Variants in ACCSL observed in about 807,000 individuals in gnomAD.
ACCSL encodes the protein 1-aminocyclopropane-1-carboxylate synthase homolog (inactive) like, also known as probable inactive 1-aminocyclopropane-1-carboxylate synthase-like protein 2.
A neutral mutation model predicts 61.7 loss-of-function variants in ACCSL; 55 were observed. That is an observed-to-expected ratio of 0.89 (90% CI 0.72 to 1.12). The LOEUF is 1.12. Among genes scored for constraint, ACCSL ranks in the 50% most tolerant of loss-of-function variants. The probability of loss-of-function intolerance (pLI) is 0.00; values close to 1 mark genes in which losing one functional copy is unlikely to be tolerated. For synonymous variants in ACCSL, 258 were observed against 264.3 expected, an observed-to-expected ratio of 0.98 and a Z score of 0.23; for missense variants, 632 against 698.0, an observed-to-expected ratio of 0.91 and a Z score of 1.07.
chr11:43,968,912 G>A, the ACCSL span, among the ~76,000 whole-genome samples: 15 of 152,106 alleles, frequency 9.9e-5, no homozygotes, highest in Admixed American at 9.8e-4. Context: ...ACAGAGCTTG[G>A]GCTCACATGA....
chr11:44,052,605 C>A, intron 5 of ACCSL, 57 bp from the exon 6 acceptor site: 1 of 1,465,640 alleles, frequency 6.8e-7, no homozygotes, highest in Non-Finnish European at 9.5e-7. Flanking sequence ...GGGAGCCTGG[C>A]AACAGGCTCT....
chr11:44,048,956 T>C (rs980015672), intron 1 of ACCSL, among the ~76,000 whole-genome samples: 4 of 152,108 alleles, frequency 2.6e-5, no homozygotes, highest in East Asian at 1.9e-4. Flanking sequence ...CAGCCAGCCA[T>C]GTGGTGATGG....
At chr11:43,946,979 G>A in the ACCSL span, 1 of 152,294 alleles carries the variant, frequency 6.6e-6, no homozygotes, top group Admixed American at 6.5e-5. Flanking sequence ...GCTTGTGTTA[G>A]TCCGTTCTGT....
the ACCSL span, among the ~76,000 whole-genome samples, chr11:44,033,696 G>A: frequency 9.5e-4 from 144 of 152,286 alleles, no homozygotes; most frequent in Middle Eastern, 0.02. Flanking sequence ...CCAAGTCCTG[G>A]GCAGGGGGAG....
chr11:43,998,627 A>G, the ACCSL span, among the ~76,000 whole-genome samples: 4 of 152,152 alleles, frequency 2.6e-5, no homozygotes, highest in Non-Finnish European at 5.9e-5. Context: ...AATTTACTTA[A>G]TGAATGTTTA....
At chr11:44,010,509 A>G in the ACCSL span, among the ~76,000 whole-genome samples, 1 of 152,118 alleles carries the variant, frequency 6.6e-6, no homozygotes, top group African/African-American at 2.4e-5. Context: ...GACTGGCAAA[A>G]CTTGAATTGA....
the ACCSL span, among the ~76,000 whole-genome samples, chr11:43,956,524 A>G: frequency 5.9e-5 from 9 of 151,828 alleles, no homozygotes; most frequent in Non-Finnish European, 1.0e-4. Flanking sequence ...GGTTCAAGTG[A>G]TTCTCCTGCC....
the ACCSL span, among the ~76,000 whole-genome samples, chr11:43,930,789 A>G: frequency 1.4e-4 from 22 of 152,196 alleles, no homozygotes; most frequent in Non-Finnish European, 2.1e-4. Context: ...AACCCATGGT[A>G]AAAAAGAAAA....
chr11:43,958,556 A>G, the ACCSL span, among the ~76,000 whole-genome samples: 1 of 152,114 alleles, frequency 6.6e-6, no homozygotes, highest in African/African-American at 2.4e-5. Context: ...CTCTTTCTCT[A>G]TTGCAATTCC....
chr11:43,979,989 T>C, the ACCSL span, among the ~76,000 whole-genome samples: 1 of 152,170 alleles, frequency 6.6e-6, no homozygotes, highest in Non-Finnish European at 1.5e-5. Context: ...TATTTCCAGA[T>C]TTGTCTATGC....
the ACCSL span, chr11:43,925,592 C>T: frequency 3.0e-5 from 12 of 393,554 alleles, no homozygotes; most frequent in East Asian, 7.3e-4. Flanking sequence ...GTACATGCTC[C>T]CTCTTACGGT....
intron 9 of ACCSL, among the ~76,000 whole-genome samples, chr11:44,055,800 CAT>C (rs1158035210): frequency 4.6e-5 from 7 of 152,228 alleles, no homozygotes; most frequent in Admixed American, 6.5e-5. Context: ...AGGAGAGCCA[CAT>C]GTCAGGCTGA....
chr11:43,991,185 T>C, the ACCSL span, among the ~76,000 whole-genome samples: 1 of 152,248 alleles, frequency 6.6e-6, no homozygotes, highest in Non-Finnish European at 1.5e-5. Context: ...GGCCCTGTTC[T>C]GAGCACTGGG....
At chr11:44,058,121 C>T (rs771357569) in intron 11 of ACCSL, among the ~76,000 whole-genome samples, 196 bp from the exon 12 acceptor site, 22 of 152,118 alleles carry the variant, frequency 1.4e-4, no homozygotes, top group Non-Finnish European at 2.5e-4. Context: ...TGCAGTGTGC[C>T]GAGATTGTGC....
the ACCSL span, among the ~76,000 whole-genome samples, chr11:43,982,717 G>T: frequency 6.6e-6 from 1 of 152,150 alleles, no homozygotes; most frequent in African/African-American, 2.4e-5. Context: ...CAGGGCTCTG[G>T]TCCCGACTGA....
chr11:43,943,490 C>G, the ACCSL span: 1 of 1,386,798 alleles, frequency 7.2e-7, no homozygotes, highest in Admixed American at 2.2e-5. The surrounding 1 kb of genome is among the most constrained non-coding windows in gnomAD (Gnocchi z 4.8). Flanking sequence ...GGCCGCTTTC[C>G]TCGTCCTTGT....
At position 44,052,652 on chromosome 11, in the gene ACCSL, G is replaced by C. The variant is rs753995174; in HGVS notation, c.773-10G>C. 1.9e-6 allele frequency: 3 copies of C among 1,612,002 alleles called. No homozygotes were observed. The highest frequency in any genetic ancestry group is 2.5e-6 in the Non-Finnish European group (3 of 1,178,158). On this transcript the variant is annotated splice_polypyrimidine_tract_variant and intron_variant, in intron 5 of 13. Coordinates refer to ENST00000378832, the MANE Select transcript of ACCSL (RefSeq NM_001031854.2). Reference sequence around the variant, plus strand: ...TTTGGACTGATAGCTCTGTCTCTCTGTGTTTCCAGAGGCCTTCCTGGTCCC... The same window carrying C: ...TTTGGACTGATAGCTCTGTCTCTCTCTGTTTCCAGAGGCCTTCCTGGTCCC...
At chr11:44,008,396 G>A in the ACCSL span, among the ~76,000 whole-genome samples, 1 of 152,210 alleles carries the variant, frequency 6.6e-6, no homozygotes, top group African/African-American at 2.4e-5. Context: ...TGCTCACTGG[G>A]TAGTTTATCT....
the ACCSL span, among the ~76,000 whole-genome samples, chr11:43,939,583 C>CAA: frequency 1.3e-5 from 2 of 151,784 alleles, no homozygotes; most frequent in African/African-American, 4.8e-5. Context: ...CCATCACACA[C>CAA]TTGCTCAAGA....
Sources: allele counts gnomAD v4.1 joint callset (sites outside exome capture counted in the v4.1 genomes callset), GRCh38; gene constraint gnomAD v4.1.1; non-coding constraint Gnocchi (gnomAD v3.1); transcripts MANE v1.5; gene names NCBI Gene and HGNC (gene_info 2026-07-23, HGNC 2026-07-21).